Variants in LRP1B observed in about 807,000 individuals in gnomAD.
The protein encoded by LRP1B is LDL receptor related protein 1B.
LRP1B carries 217 observed loss-of-function variants against 556.6 expected under a neutral mutation model. That is an observed-to-expected ratio of 0.39 (90% confidence interval 0.35 to 0.44). The LOEUF is 0.44. LRP1B is among the 20% of genes least tolerant of loss of function. LRP1B has a pLI of 1.00. For missense variants in LRP1B, 5,053 were observed against 5,620.8 expected, an observed-to-expected ratio of 0.90 and a Z score of 3.23; for synonymous variants, 2,047 against 1,865.8, an observed-to-expected ratio of 1.10 and a Z score of -2.50.
chr2:142,093,634 G>A lies in LRP1B; in HGVS notation c.82+37014C>T, dbSNP rs187912096. ...AGAAGCCATCAGAGGGAGTAAACCG[G>A]ATTTCCAAGAAAGTGTGCATGTGCG... On this transcript the variant is annotated intron_variant, in intron 1 of 90. Transcript: ENST00000389484. Among the ~76,000 whole-genome samples, 204 of 152,188 alleles carry A rather than the reference G, an allele frequency of 1.3e-3. 1 individual carries two copies. The highest frequency in any genetic ancestry group is 4.7e-3 in the African/African-American group (196 of 41,568).
intron 2 of LRP1B, among the ~76,000 whole-genome samples, chr2:141,797,464 T>C (rs1234894429): frequency 6.6e-6 from 1 of 151,908 alleles, no homozygotes; most frequent in East Asian, 1.9e-4. Flanking sequence ...GTTTTGGGCA[T>C]TGGAAAGGGA....
chr2:141,687,163 A>T (rs6744940), intron 2 of LRP1B, among the ~76,000 whole-genome samples: 4 of 151,922 alleles, frequency 2.6e-5, no homozygotes, highest in African/African-American at 9.6e-5. Context: ...GTTCATTTTG[A>T]GCAAATGGGT....
At chr2:141,076,386 T>C (rs1030442394) in intron 7 of LRP1B, among the ~76,000 whole-genome samples, 9 of 152,184 alleles carry the variant, frequency 5.9e-5, no homozygotes, top group African/African-American at 2.2e-4. Flanking sequence ...GGCATTTTTC[T>C]GGCAAGAGGA....
intron 66 of LRP1B, among the ~76,000 whole-genome samples, chr2:140,423,447 T>A (rs1472848463): frequency 6.6e-6 from 1 of 152,198 alleles, no homozygotes; most frequent in Non-Finnish European, 1.5e-5. Flanking sequence ...GCAAAGTTAT[T>A]GAAAGCATAC....
intron 2 of LRP1B, among the ~76,000 whole-genome samples, chr2:141,532,971 A>G (rs896880337): frequency 1.3e-5 from 2 of 152,094 alleles, no homozygotes; most frequent in African/African-American, 4.8e-5. Flanking sequence ...AGGCAACAGA[A>G]CAAGACTCCA....
At chr2:141,420,479 A>G (rs1680096148) in intron 3 of LRP1B, among the ~76,000 whole-genome samples, 1 of 151,202 alleles carries the variant, frequency 6.6e-6, no homozygotes, top group Non-Finnish European at 1.5e-5. Flanking sequence ...AGTTAGAAAG[A>G]ATTGGCAGCT....
chr2:141,238,855 C>T (rs567253073), intron 5 of LRP1B, among the ~76,000 whole-genome samples: 31 of 151,932 alleles, frequency 2.0e-4, no homozygotes, highest in Non-Finnish European at 3.1e-4. Flanking sequence ...GAAGAAAGAG[C>T]ATTATTAAGA....
chr2:142,002,645 C>T (rs1485011440), intron 1 of LRP1B, among the ~76,000 whole-genome samples: 1 of 151,898 alleles, frequency 6.6e-6, no homozygotes, highest in Non-Finnish European at 1.5e-5. Context: ...CAGGTACTCA[C>T]TGAAACCTCC....
At chr2:140,659,264 T>A (rs944462546) in intron 41 of LRP1B, among the ~76,000 whole-genome samples, 15 of 151,922 alleles carry the variant, frequency 9.9e-5, no homozygotes, top group African/African-American at 3.6e-4. Context: ...ACATGTCATC[T>A]AATAGATACT....
intron 1 of LRP1B, among the ~76,000 whole-genome samples, chr2:141,985,989 A>G (rs553002456): frequency 4.3e-4 from 65 of 152,160 alleles, no homozygotes; most frequent in Non-Finnish European, 6.9e-4. Context: ...TTGTGTGTAA[A>G]GAATAAATGA....
Position 142,111,959 on chromosome 2 carries a change from G to C in LRP1B, c.82+18689C>G, listed in dbSNP as rs191614773. The stretch of plus-strand genomic sequence containing the variant: ...ATAATGTAATTGATCAGAGGTCACA[G>C]TGCTATATAAGTGCAGTCTTTTCTT... On this transcript the variant is annotated intron_variant, in intron 1 of 90. Coordinates refer to ENST00000389484, the MANE Select transcript of LRP1B (RefSeq NM_018557.3). Among the ~76,000 whole-genome samples the C allele has an allele frequency of 6.8e-4, 103 of 152,160 alleles. 1 individual carries two copies. Among genetic ancestry groups the C allele is most frequent in the South Asian group, 3.5e-3 (17 of 4,824 alleles).
At chr2:141,822,130 CAGAGAG>C (rs1553469382) in intron 1 of LRP1B, among the ~76,000 whole-genome samples, 4 of 95,864 alleles carry the variant, frequency 4.2e-5, no homozygotes, top group Admixed American at 1.2e-4. Flanking sequence ...CACACACACA[CAGAGAG>C]AGAGAGAGAG....
chr2:140,270,269 T>C lies in LRP1B; in HGVS notation c.13220A>G (p.Asp4407Gly). 6.2e-7 allele frequency: 1 copy of C among 1,611,918 alleles called. No individual in the cohort carries two copies. The highest frequency in any genetic ancestry group is 8.5e-7 in the Non-Finnish European group (1 of 1,178,620). Residue 4407 changes from aspartate to glycine, a missense_variant, in exon 86 of 91, where the codon GAC (aspartate) becomes GGC (glycine). Around this residue, in one of 5 missense-constraint regions of LRP1B, gnomAD observed 551 missense variants for 592.0 expected, o/e 0.93. Transcript: ENST00000389484. ...ACACACAGGTACATTTGTCTCGGGG[T>C]CCAGCTGGCATGTGCCACCATTGTA... ...YCYNGGTCQL[D>G]PETNVPVCLC...
At chr2:140,607,245 T>C (rs968851177) in intron 41 of LRP1B, among the ~76,000 whole-genome samples, 4 of 152,130 alleles carry the variant, frequency 2.6e-5, no homozygotes, top group African/African-American at 4.8e-5. Flanking sequence ...TTGATATTCA[T>C]TATGACGACT....
At chr2:141,191,355 G>A (rs1681497493) in intron 6 of LRP1B, among the ~76,000 whole-genome samples, 1 of 151,904 alleles carries the variant, frequency 6.6e-6, no homozygotes, top group African/African-American at 2.4e-5. Context: ...GTTTCCTTCT[G>A]CAATCTGAGC....
intron 1 of LRP1B, among the ~76,000 whole-genome samples, chr2:141,814,787 G>A (rs1696475972): frequency 6.6e-6 from 1 of 152,092 alleles, no homozygotes; most frequent in South Asian, 2.1e-4. Context: ...AGAGAACTGG[G>A]GCTAAAAGAA....
At chr2:141,178,318 C>T (rs1232007003) in intron 7 of LRP1B, among the ~76,000 whole-genome samples, 1 of 152,066 alleles carries the variant, frequency 6.6e-6, no homozygotes, top group Non-Finnish European at 1.5e-5. Context: ...AGTGACTTCT[C>T]GATCGCCAGA....
chr2:141,093,565 T>C (rs1007628681), intron 7 of LRP1B, among the ~76,000 whole-genome samples: 3 of 152,200 alleles, frequency 2.0e-5, no homozygotes, highest in Non-Finnish European at 4.4e-5. Flanking sequence ...TTCCTTCCTC[T>C]GTTGGAAATT....
At chr2:141,950,281 A>G (rs1197314346) in intron 1 of LRP1B, among the ~76,000 whole-genome samples, 1 of 152,140 alleles carries the variant, frequency 6.6e-6, no homozygotes, top group Non-Finnish European at 1.5e-5. Context: ...AAAAAAATCC[A>G]TCTTATTTTT....
Sources: allele counts gnomAD v4.1 joint callset (sites outside exome capture counted in the v4.1 genomes callset), GRCh38; gene constraint gnomAD v4.1.1; regional missense constraint gnomAD v4.1.1; transcripts MANE v1.5; gene names NCBI Gene and HGNC (gene_info 2026-07-23, HGNC 2026-07-21).